The following CENPT variants were observed in gnomAD, a reference collection of about 807,000 sequenced individuals.
The protein encoded by CENPT is interphase centromere complex protein 22.
In CENPT, 42 loss-of-function variants were observed where a neutral mutation model predicts 59.7. That is an observed-to-expected ratio of 0.70 (90% confidence interval 0.55 to 0.91). The LOEUF is 0.91. Among genes scored for constraint, CENPT ranks in the 40% least tolerant of loss-of-function variants. CENPT has a pLI of 0.00. For missense variants in CENPT, 716 were observed against 713.4 expected, an observed-to-expected ratio of 1.00 and a Z score of -0.04; for synonymous variants, 295 against 289.6, an observed-to-expected ratio of 1.02 and a Z score of -0.19.
intron 1 of CENPT, among the ~76,000 whole-genome samples, chr16:67,846,481 G>A (rs1436711602): frequency 6.6e-6 from 1 of 152,274 alleles, no homozygotes; most frequent in Non-Finnish European, 1.5e-5. Flanking sequence ...CAGCTCGGAA[G>A]AGTAACAGCG....
At chr16:67,833,661 C>T in intron 4 of CENPT, 89 bp downstream of exon 4, 1 of 784,126 alleles carries the variant, frequency 1.3e-6, no homozygotes. Context: ...CAGTTTTCCT[C>T]TTCGAACAGA....
At chr16:67,840,678 T>A (rs1302175392) in intron 1 of CENPT, among the ~76,000 whole-genome samples, 1 of 151,860 alleles carries the variant, frequency 6.6e-6, no homozygotes, top group African/African-American at 2.4e-5. Flanking sequence ...GTACAACAAA[T>A]CGCGGTGACA....
At chr16:67,834,540 G>C in intron 3 of CENPT, among the ~76,000 whole-genome samples, 1 of 152,122 alleles carries the variant, frequency 6.6e-6, no homozygotes, top group Non-Finnish European at 1.5e-5. Flanking sequence ...CATTGCTTGA[G>C]CCCAGGAGTT....
At chr16:67,840,325 A>C (rs1011282705) in intron 1 of CENPT, among the ~76,000 whole-genome samples, 25 of 152,202 alleles carry the variant, frequency 1.6e-4, no homozygotes, top group Non-Finnish European at 2.9e-5. Context: ...CTCAAAATAA[A>C]AAAAGAAAAA....
intron 1 of CENPT, among the ~76,000 whole-genome samples, chr16:67,837,043 G>A (rs948043381): frequency 6.6e-6 from 1 of 150,610 alleles, no homozygotes; most frequent in African/African-American, 2.4e-5. Context: ...GAAATTTTTT[G>A]TATTTTTAGT....
At chr16:67,841,978 C>A (rs1046350787) in intron 1 of CENPT, 1 of 152,262 alleles carries the variant, frequency 6.6e-6, no homozygotes, top group Non-Finnish European at 1.5e-5. Context: ...GGAGGGAAGG[C>A]GCCTAGTTCA....
At chr16:67,840,858 A>G (rs1184393778) in intron 1 of CENPT, among the ~76,000 whole-genome samples, 1 of 151,582 alleles carries the variant, frequency 6.6e-6, no homozygotes, top group East Asian at 1.9e-4. Flanking sequence ...GTGTTCTTTA[A>G]AACATTTTCC....
Position 67,830,009 on chromosome 16 carries a change from G to A in CENPT, c.942C>T (p.Ser314=), listed in dbSNP as rs751726132. Residue 314 remains serine, a synonymous_variant, in exon 12 of 16, where the codon AGC becomes AGT. Transcript: ENST00000562787. ...CTTCATCTTCTCCAGAGACACCACT[G>A]CTGGTGCTCAGGAAGCCCAGAGCAA... ...NAFALGFLST[S]SGVSGEDEVE... 1 of 1,614,074 alleles carries A rather than the reference G, an allele frequency of 6.2e-7. No individual in the cohort carries two copies. Among genetic ancestry groups the A allele is most frequent in the East Asian group, 2.2e-5 (1 of 44,904 alleles).
At chr16:67,845,905 T>A (rs985805986) in intron 1 of CENPT, among the ~76,000 whole-genome samples, 2 of 151,962 alleles carry the variant, frequency 1.3e-5, no homozygotes, top group African/African-American at 4.8e-5. Flanking sequence ...AGCCTGTGGG[T>A]GGGGGAAGGT....
intron 1 of CENPT, among the ~76,000 whole-genome samples, chr16:67,838,519 G>A (rs1251669362): frequency 6.6e-6 from 1 of 152,126 alleles, no homozygotes; most frequent in Non-Finnish European, 1.5e-5. Flanking sequence ...CTACTCGGGA[G>A]GCTGAGGCAG....
intron 4 of CENPT, 43 bp from the exon 5 acceptor site, chr16:67,832,588 G>A: frequency 6.4e-7 from 1 of 1,550,400 alleles, no homozygotes; most frequent in Non-Finnish European, 8.9e-7. Flanking sequence ...ACGGTGAGGA[G>A]GGATAGAGAA....
In CENPT at chr16:67,832,323, C is replaced by G. The variant is rs763200043; in HGVS notation, c.202-8G>C. 39 of 1,614,008 alleles carry G rather than the reference C, an allele frequency of 2.4e-5. No homozygotes were observed. Among genetic ancestry groups the G allele is most frequent in the Non-Finnish European group, 6.8e-6 (8 of 1,179,990 alleles). On this transcript the variant is annotated splice_region_variant and splice_polypyrimidine_tract_variant and intron_variant, in intron 5 of 15. Coordinates refer to ENST00000562787, the MANE Select transcript of CENPT (RefSeq NM_025082.4). ...GGCCGATCTGCCAACAGACTATCGGCAAAGCACCAAGCAACCAGTCTGTCC... is the reference window on the plus strand; with the variant it reads ...GGCCGATCTGCCAACAGACTATCGGGAAAGCACCAAGCAACCAGTCTGTCC...
chr16:67,830,458 C>G lies in CENPT; in HGVS notation c.794G>C (p.Gly265Ala), dbSNP rs768481051. Residue 265 changes from glycine to alanine, a missense_variant, in exon 11 of 16, where the codon GGG becomes GCG. Gly to Ala is a moderately conservative substitution (Grantham distance 60). Coordinates refer to ENST00000562787, the MANE Select transcript of CENPT (RefSeq NM_025082.4). ...GGCAGCCTGCTCAGCGTCTTCAGCC[C>G]CAGTGTGAGGCGTGCAGGGCAGGGA... ...YHSLPCTPHT[G>A]AEDAEQAAGR... The G allele has an allele frequency of 6.2e-7, 1 of 1,614,140 alleles. No individual in the cohort carries two copies. Among genetic ancestry groups the G allele is most frequent in the Non-Finnish European group, 8.5e-7 (1 of 1,179,998 alleles).
At chr16:67,839,524 C>T (rs1005883395) in intron 1 of CENPT, among the ~76,000 whole-genome samples, 3 of 152,024 alleles carry the variant, frequency 2.0e-5, no homozygotes, top group Non-Finnish European at 4.4e-5. Context: ...TGCACCACTA[C>T]ACGCCAGCCT....
chr16:67,838,903 G>A (rs1409415922), intron 1 of CENPT, among the ~76,000 whole-genome samples: 1 of 150,370 alleles, frequency 6.7e-6, no homozygotes, highest in Non-Finnish European at 1.5e-5. Flanking sequence ...CTCCAGCCCT[G>A]GCCACAGTGT....
In CENPT at chr16:67,830,463, G is replaced by A. The variant is rs188345411; in HGVS notation, c.789C>T (p.His263=). 1.9e-6 allele frequency: 3 copies of A among 1,614,172 alleles called. No individual in the cohort carries two copies. Among genetic ancestry groups the A allele is most frequent in the Non-Finnish European group, 2.5e-6 (3 of 1,180,014 alleles). Residue 263 remains histidine, a synonymous_variant, in exon 11 of 16, where the codon CAC becomes CAT. Transcript: ENST00000562787. ...NVYHSLPCTP[H]TGAEDAEQAA... is the part of the protein sequence containing the mutation. ...CCTGCTCAGCGTCTTCAGCCCCAGT[G>A]TGAGGCGTGCAGGGCAGGGAGTGAT... is the stretch of plus-strand genomic sequence containing the variant.
intron 1 of CENPT, among the ~76,000 whole-genome samples, chr16:67,844,360 T>TA (rs956166921): frequency 1.3e-5 from 2 of 152,166 alleles, no homozygotes; most frequent in African/African-American, 4.8e-5. Flanking sequence ...ATCCTGGCCT[T>TA]ATAAGGTCCT....
intron 1 of CENPT, among the ~76,000 whole-genome samples, chr16:67,840,837 C>T (rs1041404425): frequency 1.3e-5 from 2 of 151,594 alleles, no homozygotes; most frequent in African/African-American, 4.9e-5. Context: ...CCTGGCTTTC[C>T]ACAACATTTT....
At chr16:67,829,044 C>T in intron 13 of CENPT, 1 of 564,094 alleles carries the variant, frequency 1.8e-6, no homozygotes, top group East Asian at 3.1e-5. Flanking sequence ...TCTGTCCCTC[C>T]ACAGTCGACT....
Sources: gnomAD v4.1 joint callset for allele counts (sites outside exome capture counted in the v4.1 genomes callset) on GRCh38, gnomAD v4.1.1 for gene constraint, MANE v1.5 for transcripts, NCBI Gene and HGNC (gene_info 2026-07-23, HGNC 2026-07-21) for gene names.